FBN1: variants seen among roughly 807,000 people sequenced by gnomAD.
FBN1 encodes the protein fibrillin-1.
A neutral mutation model predicts 365.1 loss-of-function variants in FBN1; 29 were observed. The ratio of observed to expected loss-of-function variants is 0.08; its 90% CI spans 0.06 to 0.11. The LOEUF (loss-of-function observed/expected upper bound fraction) is 0.11, where lower values mean the gene tolerates loss of function less well. Ranked by LOEUF, FBN1 falls within the 10% of genes least tolerant of loss-of-function variation. FBN1 has a pLI of 1.00. For synonymous variants in FBN1, 1,210 were observed against 1,270.5 expected, an observed-to-expected ratio of 0.95 and a Z score of 1.01; for missense variants, 2,476 against 3,703.2, an observed-to-expected ratio of 0.67 and a Z score of 8.60.
At chr15:48,633,419 T>G (rs1890025464) in intron 2 of FBN1, among the ~76,000 whole-genome samples, 1 of 152,240 alleles carries the variant, frequency 6.6e-6, no homozygotes, top group South Asian at 2.1e-4. Flanking sequence ...CCAGGTCATT[T>G]GACTCTTTGA....
chr15:48,495,394 T>C, intron 21 of FBN1, 75 bp downstream of exon 21: 2 of 1,596,436 alleles, frequency 1.3e-6, no homozygotes, highest in Non-Finnish European at 1.7e-6. Flanking sequence ...ACTTAAATTC[T>C]TTTGCAGGAA....
chr15:48,426,913 C>T (rs1484859558), intron 58 of FBN1, among the ~76,000 whole-genome samples: 5 of 152,096 alleles, frequency 3.3e-5, no homozygotes, highest in African/African-American at 1.2e-4. Context: ...CCTTCTTAAC[C>T]TCCTTCTTCC....
rs779913610 is a variant in FBN1, at chr15:48,481,683, G to A, written c.3936C>T (p.Ser1312=). ...TACAGCCAGTTTTTCCTTTTTTGCC[G>A]GAGTAGCCCATATCACAGTGGCAGA... ...SFICHCDMGY[S]GKKGKTGCTD... is the part of the protein sequence containing the mutation. The change falls in exon 32 of 66, where the codon TCC becomes TCT. Residue 1312 remains serine, a synonymous_variant. Coordinates refer to ENST00000316623, the MANE Select transcript of FBN1 (RefSeq NM_000138.5). 333 of 1,613,202 alleles carry A rather than the reference G, an allele frequency of 2.1e-4. No homozygotes were observed. Among genetic ancestry groups the A allele is most frequent in the South Asian group, 4.2e-4 (38 of 91,024 alleles).
At chr15:48,593,601 G>C (rs905203994) in intron 6 of FBN1, among the ~76,000 whole-genome samples, 1 of 152,102 alleles carries the variant, frequency 6.6e-6, no homozygotes. Flanking sequence ...ATTTCCAGGA[G>C]ATACTTGTTC....
intron 6 of FBN1, among the ~76,000 whole-genome samples, chr15:48,569,582 T>C (rs534520081): frequency 9.2e-5 from 14 of 152,266 alleles, no homozygotes; most frequent in African/African-American, 3.4e-4. Context: ...GTCCATCAGC[T>C]GGTGAATGTA....
Position 48,495,459 on chromosome 15 carries a change from A to G in FBN1, c.2539+10T>C, listed in dbSNP as rs878853679. ...AAACATAGAAAAATCATTCTCAGAA[A>G]GATAAATACCTATGCAGATGGTTTT... is the stretch of plus-strand genomic sequence containing the variant. On this transcript the variant is annotated intron_variant, in intron 21 of 65. Transcript: ENST00000316623. 6 of 1,612,210 alleles carry G rather than the reference A, an allele frequency of 3.7e-6. No individual in the cohort carries two copies. The highest frequency in any genetic ancestry group is 4.2e-6 in the Non-Finnish European group (5 of 1,179,582).
At chr15:48,513,344 G>A (rs143991610) in intron 13 of FBN1, among the ~76,000 whole-genome samples, 278 of 152,234 alleles carry the variant, frequency 1.8e-3, no homozygotes, top group African/African-American at 6.6e-3. Flanking sequence ...AGGCATAGAC[G>A]CATCTTATAA....
chr15:48,433,780 C>T (rs2043041999), intron 54 of FBN1, among the ~76,000 whole-genome samples: 1 of 152,212 alleles, frequency 6.6e-6, no homozygotes, highest in African/African-American at 2.4e-5. Flanking sequence ...TTTACCACAA[C>T]TCTGACAATG....
rs79598996 is a variant in FBN1 at position 48,483,176 on chromosome 15, C to T, written c.3838+642G>A. ...GTCAATTTATTCAAATGACCTAGAA[C>T]CAATGCAGATGACAGAATTAGGAGA... On this transcript the variant is annotated intron_variant, in intron 31 of 65. Transcript: ENST00000316623. Among the ~76,000 whole-genome samples, 799 of 152,230 alleles carry T rather than the reference C, an allele frequency of 5.2e-3. 7 individuals are homozygous for T. Among genetic ancestry groups the T allele is most frequent in the African/African-American group, 0.018 (759 of 41,530 alleles).
At chr15:48,627,294 A>G (rs1364484580) in intron 2 of FBN1, among the ~76,000 whole-genome samples, 2 of 152,360 alleles carry the variant, frequency 1.3e-5, no homozygotes, top group East Asian at 3.8e-4. Context: ...ATTCACTCCT[A>G]TAGATTGGCA....
At chr15:48,431,776 T>C (rs2043024241) in intron 55 of FBN1, among the ~76,000 whole-genome samples, 2 of 152,096 alleles carry the variant, frequency 1.3e-5, no homozygotes, top group Non-Finnish European at 2.9e-5. Context: ...TGCCTCAGCC[T>C]CCCAAGTAGG....
intron 6 of FBN1, among the ~76,000 whole-genome samples, chr15:48,557,317 A>G (rs973142166): frequency 6.6e-6 from 1 of 152,202 alleles, no homozygotes; most frequent in African/African-American, 2.4e-5. Context: ...AAAGCAAACC[A>G]GCACTAGGAC....
At chr15:48,521,957 A>G (rs892888591) in intron 9 of FBN1, among the ~76,000 whole-genome samples, 1 of 152,202 alleles carries the variant, frequency 6.6e-6, no homozygotes, top group African/African-American at 2.4e-5. Context: ...TGAATGAGTG[A>G]AGCTTCATCT....
intron 63 of FBN1, 24 bp downstream of exon 63, chr15:48,420,663 T>C (rs745989527): frequency 6.2e-7 from 1 of 1,613,368 alleles, no homozygotes; most frequent in South Asian, 1.1e-5. Context: ...CCATGCATCT[T>C]GAGAGTGAGG....
intron 63 of FBN1, among the ~76,000 whole-genome samples, chr15:48,420,123 G>A (rs2042928555): frequency 1.3e-5 from 2 of 152,058 alleles, no homozygotes; most frequent in Admixed American, 1.3e-4. Context: ...AATCAAAGAT[G>A]ACATCATTTC....
In FBN1 at chr15:48,508,605, G is replaced by A; in HGVS notation, c.1814C>T (p.Ala605Val). The change falls in exon 15 of 66, where the codon GCA becomes GTA. Residue 605 changes from alanine (A) to valine (V), a missense_variant. Ala to Val is a moderately conservative substitution (Grantham distance 64, BLOSUM62 0). Coordinates refer to ENST00000316623, the MANE Select transcript of FBN1 (RefSeq NM_000138.5). The part of the protein sequence containing the change: ...KCICKPGFQL[A>V]SDGRYCKDIN... Reference sequence around the variant, plus strand: ...ACCTTTGCAATAACGTCCATCTGATGCCAGCTGGAATCCAGGTTTGCAAAT... The same window carrying A: ...ACCTTTGCAATAACGTCCATCTGATACCAGCTGGAATCCAGGTTTGCAAAT... The A allele has an allele frequency of 1.2e-6, 2 of 1,613,798 alleles. No homozygotes were observed. The highest frequency in any genetic ancestry group is 1.7e-6 in the Non-Finnish European group (2 of 1,179,718).
intron 47 of FBN1, among the ~76,000 whole-genome samples, chr15:48,446,437 G>C (rs970792998): frequency 2.6e-5 from 4 of 152,088 alleles, no homozygotes; most frequent in Non-Finnish European, 5.9e-5. Flanking sequence ...GTATGTGTAG[G>C]AAAAAACATG....
intron 45 of FBN1, among the ~76,000 whole-genome samples, chr15:48,450,222 T>C (rs2043190432): frequency 6.6e-6 from 1 of 152,162 alleles, no homozygotes; most frequent in Non-Finnish European, 1.5e-5. Flanking sequence ...GCCCAAAACT[T>C]TGGCACCTTC....
intron 36 of FBN1, among the ~76,000 whole-genome samples, chr15:48,470,423 A>C (rs778069302): frequency 6.6e-6 from 1 of 152,212 alleles, no homozygotes; most frequent in East Asian, 1.9e-4. Flanking sequence ...CAAGGCTACA[A>C]ACTGTGCTCC....
Sources: gnomAD v4.1 joint callset for allele counts (sites outside exome capture counted in the v4.1 genomes callset) on GRCh38, gnomAD v4.1.1 for gene constraint, MANE v1.5 for transcripts, NCBI Gene and HGNC (gene_info 2026-07-23, HGNC 2026-07-21) for gene names.